Variants in PDE1A observed in about 807,000 individuals in gnomAD.
The protein encoded by PDE1A is dual specificity calcium/calmodulin-dependent 3',5'-cyclic nucleotide phosphodiesterase 1A.
Under a neutral mutation model 61.7 loss-of-function variants are expected in PDE1A, and 35 were observed. The ratio of observed to expected loss-of-function variants is 0.57; its 90% CI spans 0.43 to 0.75. The LOEUF is 0.75. Among genes scored for constraint, PDE1A ranks in the 30% least tolerant of loss-of-function variants. The pLI, the probability that PDE1A is intolerant of heterozygous loss-of-function variation, is 0.00. For missense variants in PDE1A, 597 were observed against 630.6 expected (o/e 0.95, Z 0.57); for synonymous variants, 232 against 213.2 (o/e 1.09, Z -0.77).
chr2:182,286,848 T>C (rs1254633693), intron 1 of PDE1A, among the ~76,000 whole-genome samples: 2 of 152,138 alleles, frequency 1.3e-5, no homozygotes, highest in Non-Finnish European at 2.9e-5. Flanking sequence ...CAACTAGCCA[T>C]ACATTAACCC....
the PDE1A span, among the ~76,000 whole-genome samples, chr2:182,689,828 A>T: frequency 6.6e-6 from 1 of 152,232 alleles, no homozygotes; most frequent in East Asian, 1.9e-4. Flanking sequence ...TAGATGCAAT[A>T]AAAAAATGAT....
chr2:182,543,004 T>C, the PDE1A span, among the ~76,000 whole-genome samples: 1 of 152,226 alleles, frequency 6.6e-6, no homozygotes, highest in African/African-American at 2.4e-5. Flanking sequence ...TTGGCTTTTT[T>C]AAGAGGCTGT....
At chr2:182,507,328 T>G (rs1401833147) in intron 2 of PDE1A, among the ~76,000 whole-genome samples, 1 of 152,320 alleles carries the variant, frequency 6.6e-6, no homozygotes, top group Non-Finnish European at 1.5e-5. Flanking sequence ...ACAACAATAA[T>G]AAACATTTAT....
At chr2:182,475,673 C>G (rs747303547) in intron 2 of PDE1A, among the ~76,000 whole-genome samples, 10 of 151,930 alleles carry the variant, frequency 6.6e-5, no homozygotes, top group Non-Finnish European at 1.5e-4. Flanking sequence ...AAACACTTCT[C>G]AAACATACCA....
intron 13 of PDE1A, among the ~76,000 whole-genome samples, chr2:182,160,947 G>A (rs867883589): frequency 3.9e-5 from 6 of 152,100 alleles, no homozygotes; most frequent in African/African-American, 9.7e-5. Context: ...AGTCTTTGGC[G>A]TGAACTGTTT....
At chr2:182,705,905 C>T in the PDE1A span, among the ~76,000 whole-genome samples, 71 of 152,310 alleles carry the variant, frequency 4.7e-4, no homozygotes, top group African/African-American at 1.6e-3. Flanking sequence ...CATTATTATG[C>T]AATGATAATT....
rs1441219469 is a variant in PDE1A, at chr2:182,151,786, TA to T, written c.1517-4635del. 7.2e-5 allele frequency among the ~76,000 whole-genome samples: 11 copies of T among 152,318 alleles called. 1 individual carries two copies. The South Asian group carries it at 2.1e-3, about 29-fold the overall frequency. ...TAAAAGATCATTTCTCATGTAGATA[TA>T]AAAAACAAAATGATTTAATAGCTTA... On this transcript the variant is annotated intron_variant, in intron 13 of 13. Transcript: ENST00000409365.
In PDE1A at chr2:182,168,221, A is replaced by C. The variant is rs377551739; in HGVS notation, c.*26T>G. The C allele has an allele frequency of 1.6e-5, 25 of 1,577,512 alleles. No individual in the cohort carries two copies. The African/African-American group carries it at 3.4e-4, about 22-fold the overall frequency. On this transcript the variant is annotated 3_prime_UTR_variant, in exon 14 of 14. Coordinates refer to ENST00000351439, the Ensembl canonical transcript of PDE1A. ...TTTTGGTCAAATTAGAGCTGCCACC[A>C]TGCACGAGGTTTTACTTAAAGGTGT...
chr2:182,608,515 T>C, the PDE1A span, among the ~76,000 whole-genome samples: 11 of 152,250 alleles, frequency 7.2e-5, no homozygotes, highest in East Asian at 5.8e-4. Context: ...CCAGCGCGAG[T>C]TCCGGGTGGG....
At chr2:182,168,873 C>T (rs117154089) in intron 13 of PDE1A, among the ~76,000 whole-genome samples, 23 of 151,860 alleles carry the variant, frequency 1.5e-4, no homozygotes, top group Middle Eastern at 3.4e-3. Context: ...AATTACAGAC[C>T]GGAAGGGCTA....
intron 1 of PDE1A, among the ~76,000 whole-genome samples, chr2:182,280,780 A>C (rs927873331): frequency 1.3e-5 from 2 of 151,930 alleles, no homozygotes; most frequent in Admixed American, 1.3e-4. Context: ...CTGGAAAAAA[A>C]ATCAATACAT....
chr2:182,598,990 C>T, the PDE1A span, among the ~76,000 whole-genome samples: 3 of 152,294 alleles, frequency 2.0e-5, no homozygotes, highest in African/African-American at 4.8e-5. Context: ...GCTGCCATCA[C>T]GCTGGCTGCA....
the PDE1A span, among the ~76,000 whole-genome samples, chr2:182,678,160 C>G: frequency 1.3e-5 from 2 of 152,208 alleles, no homozygotes; most frequent in Non-Finnish European, 2.9e-5. Context: ...CGCAGTGGCT[C>G]ACGCCTGTAA....
chr2:182,696,916 C>T, the PDE1A span, among the ~76,000 whole-genome samples: 1 of 152,090 alleles, frequency 6.6e-6, no homozygotes, highest in Non-Finnish European at 1.5e-5. Context: ...AATAAAAAGA[C>T]TCATAAGTAT....
chr2:182,543,051 G>A, the PDE1A span, among the ~76,000 whole-genome samples: 6 of 152,110 alleles, frequency 3.9e-5, no homozygotes, highest in Non-Finnish European at 5.9e-5. Flanking sequence ...TCAGCTCAAG[G>A]CAGCTGCTCT....
In PDE1A at chr2:182,450,324, G is replaced by A. The variant is rs187288074; in HGVS notation, c.101+71952C>T. On this transcript the variant is annotated intron_variant, in intron 2 of 14. Coordinates refer to the PDE1A transcript ENST00000410103. ...GACAAAGGAAAAGAATGGAAGAAATGGAGACATAAAGTGCCACATTGAGCT... is the reference window on the plus strand; with the variant it reads ...GACAAAGGAAAAGAATGGAAGAAATAGAGACATAAAGTGCCACATTGAGCT... 4.6e-5 allele frequency among the ~76,000 whole-genome samples: 7 copies of A among 152,138 alleles called. No homozygotes were observed. In the East Asian group the frequency reaches 1.2e-3, roughly 25 times the overall value.
the PDE1A span, among the ~76,000 whole-genome samples, chr2:182,599,693 G>T: frequency 2.6e-5 from 4 of 151,930 alleles, no homozygotes; most frequent in Non-Finnish European, 5.9e-5. Flanking sequence ...AGATGAATAG[G>T]ACATCCTTTT....
chr2:182,369,863 G>A (rs1043453439), intron 1 of PDE1A, among the ~76,000 whole-genome samples: 4 of 152,266 alleles, frequency 2.6e-5, no homozygotes, highest in Middle Eastern at 3.4e-3. Flanking sequence ...GAAGGTAAGT[G>A]TAAAAGAAGC....
At chr2:182,690,790 CA>C in the PDE1A span, among the ~76,000 whole-genome samples, 4 of 152,336 alleles carry the variant, frequency 2.6e-5, no homozygotes, top group South Asian at 8.3e-4. Flanking sequence ...CCCATCATCT[CA>C]GCCCAAAATC....
Sources: allele counts gnomAD v4.1 joint callset (sites outside exome capture counted in the v4.1 genomes callset), GRCh38; gene constraint gnomAD v4.1.1; transcripts MANE v1.5; gene names NCBI Gene and HGNC (gene_info 2026-07-23, HGNC 2026-07-21).